DTL: variants seen among roughly 807,000 people sequenced by gnomAD.
The protein encoded by DTL is denticleless protein homolog.
DTL carries 46 observed loss-of-function variants against 87.0 expected under a neutral mutation model. The ratio of observed to expected loss-of-function variants is 0.53; its 90% CI spans 0.42 to 0.68. The LOEUF (loss-of-function observed/expected upper bound fraction) is 0.68, where lower values mean the gene tolerates loss of function less well. Ranked by LOEUF, DTL falls within the 30% of genes least tolerant of loss-of-function variation. The pLI is 0.00. For missense variants in DTL, 737 were observed against 869.4 expected (o/e 0.85, Z 1.91); for synonymous variants, 308 against 311.2 (o/e 0.99, Z 0.11).
intron 5 of DTL, among the ~76,000 whole-genome samples, chr1:212,053,901 T>G (rs1411711386): frequency 6.6e-6 from 1 of 152,236 alleles, no homozygotes; most frequent in African/African-American, 2.4e-5. Flanking sequence ...TTCCATTGAT[T>G]TATTTTCCCT....
Position 212,035,887 on chromosome 1 carries a change from C to T in DTL, c.-4C>T. ...TCTCAGCTGAGGCTTTTCCTCCGAC[C>T]CTGATGCTCTTCAATTCGGTGCTCC... On this transcript the variant is annotated 5_prime_UTR_variant, in exon 1 of 15. Transcript: ENST00000366991. The T allele has an allele frequency of 2.5e-6, 4 of 1,614,148 alleles. No individual in the cohort carries two copies. The highest frequency in any genetic ancestry group is 3.4e-6 in the Non-Finnish European group (4 of 1,180,002).
chr1:212,084,196 TTTTTCTTTTC>T (rs1374273045), intron 13 of DTL, among the ~76,000 whole-genome samples: 4 of 47,490 alleles, frequency 8.4e-5, no homozygotes, highest in Non-Finnish European at 1.7e-4. Context: ...TTAATTTCTT[TTTTTCTTTTC>T]TTTTTTTTTT....
At chr1:212,048,931 TTTG>T in intron 5 of DTL, among the ~76,000 whole-genome samples, 1 of 152,092 alleles carries the variant, frequency 6.6e-6, no homozygotes, top group East Asian at 1.9e-4. Context: ...TGTTTGTTTG[TTTG>T]TTTTTTGAGA....
chr1:212,083,716 G>A (rs1423712572), intron 13 of DTL, among the ~76,000 whole-genome samples: 1 of 152,180 alleles, frequency 6.6e-6, no homozygotes, highest in Non-Finnish European at 1.5e-5. Flanking sequence ...TAATGTTGAA[G>A]AGAGTAACAA....
chr1:212,063,609 T>C (rs1468548041), intron 6 of DTL, among the ~76,000 whole-genome samples: 1 of 152,144 alleles, frequency 6.6e-6, no homozygotes, highest in Non-Finnish European at 1.5e-5. Context: ...AAGAATTAGA[T>C]TGAATTAAAC....
At chr1:212,064,566 A>G (rs570121533) in intron 6 of DTL, among the ~76,000 whole-genome samples, 18 of 152,068 alleles carry the variant, frequency 1.2e-4, no homozygotes, top group Non-Finnish European at 2.5e-4. Context: ...CACTGATCTT[A>G]TTACTTCCCC....
intron 3 of DTL, among the ~76,000 whole-genome samples, chr1:212,046,357 C>G (rs564412452): frequency 3.4e-4 from 51 of 152,118 alleles, no homozygotes; most frequent in African/African-American, 9.2e-4. Flanking sequence ...AAACATGTGC[C>G]GTGGTGGTTT....
intron 10 of DTL, 136 bp downstream of exon 10, chr1:212,068,839 A>G (rs900156112): frequency 8.9e-6 from 5 of 562,344 alleles, no homozygotes; most frequent in Admixed American, 6.8e-5. Context: ...GATTACATCC[A>G]GTGATAATTT....
At chr1:212,071,040 A>G (rs2102556701) in intron 10 of DTL, among the ~76,000 whole-genome samples, 1 of 152,346 alleles carries the variant, frequency 6.6e-6, no homozygotes, top group South Asian at 2.1e-4. Flanking sequence ...TTTTGCAGTG[A>G]TAATAGGTGT....
intron 13 of DTL, among the ~76,000 whole-genome samples, chr1:212,097,817 A>G (rs1049309329): frequency 6.6e-6 from 1 of 152,050 alleles, no homozygotes; most frequent in Non-Finnish European, 1.5e-5. Context: ...TATTACCTGA[A>G]TTGTTTTTCT....
chr1:212,071,590 A>AC (rs1553258165), intron 10 of DTL, among the ~76,000 whole-genome samples: 3 of 150,552 alleles, frequency 2.0e-5, no homozygotes, highest in Non-Finnish European at 4.4e-5. Flanking sequence ...CTTTTCACTG[A>AC]TTTTTTTTTT....
chr1:212,065,425 A>G (rs1004106455), intron 7 of DTL, among the ~76,000 whole-genome samples: 2 of 152,106 alleles, frequency 1.3e-5, no homozygotes, highest in African/African-American at 2.4e-5. Context: ...GGGGTACACT[A>G]TGTATAATGA....
At chr1:212,094,185 T>C (rs114811540) in intron 13 of DTL, among the ~76,000 whole-genome samples, 1,685 of 152,340 alleles carry the variant, frequency 0.011, 30 homozygotes, top group African/African-American at 0.038. Flanking sequence ...CTAGGCCATG[T>C]CTAGATGAGT....
intron 13 of DTL, among the ~76,000 whole-genome samples, chr1:212,094,898 T>C (rs546268648): frequency 7.5e-4 from 114 of 152,236 alleles, no homozygotes; most frequent in Non-Finnish European, 1.4e-3. Flanking sequence ...GCTTGTTTGC[T>C]GTTGCTGTAT....
chr1:212,078,965 T>C (rs76575860), intron 12 of DTL, among the ~76,000 whole-genome samples: 2,587 of 152,282 alleles, frequency 0.017, 21 homozygotes, highest in Non-Finnish European at 0.021. Flanking sequence ...GGAAATCTTA[T>C]TTCTGTGGAG....
chr1:212,098,258 C>A (rs1655507134), intron 13 of DTL, among the ~76,000 whole-genome samples: 1 of 151,994 alleles, frequency 6.6e-6, no homozygotes, highest in Non-Finnish European at 1.5e-5. Flanking sequence ...TCTGGTTGGC[C>A]AAGATGTTAC....
intron 13 of DTL, among the ~76,000 whole-genome samples, chr1:212,097,037 C>G (rs549056401): frequency 6.6e-6 from 1 of 152,164 alleles, no homozygotes; most frequent in Non-Finnish European, 1.5e-5. Flanking sequence ...GTAAACTATG[C>G]TGGCTTGGTA....
chr1:212,047,368 A>G lies in DTL; in HGVS notation c.411A>G (p.Lys137=), dbSNP rs763541605. The G allele has an allele frequency of 1.6e-5, 26 of 1,614,098 alleles. No individual in the cohort carries two copies. The highest frequency in any genetic ancestry group is 2.2e-5 in the Non-Finnish European group (26 of 1,180,050). ...VKAGELIGTC[K]GHQCSLKSVA... is the part of the protein sequence containing the mutation. ...CTGGTGAGCTGATTGGAACATGCAAAGGTCATCAATGCAGCCTCAAGTCAG... is the reference window on the plus strand; with the variant it reads ...CTGGTGAGCTGATTGGAACATGCAAGGGTCATCAATGCAGCCTCAAGTCAG... The change falls in exon 5 of 15, where the codon AAA becomes AAG. Residue 137 remains lysine, a synonymous_variant. Transcript: ENST00000366991.
At chr1:212,037,605 A>G (rs1482830922) in intron 1 of DTL, among the ~76,000 whole-genome samples, 2 of 152,232 alleles carry the variant, frequency 1.3e-5, no homozygotes, top group South Asian at 2.1e-4. Context: ...TGGTCACACA[A>G]ACACCACCGA....
Sources: allele counts gnomAD v4.1 joint callset (sites outside exome capture counted in the v4.1 genomes callset), GRCh38; gene constraint gnomAD v4.1.1; transcripts MANE v1.5; gene names NCBI Gene and HGNC (gene_info 2026-07-23, HGNC 2026-07-21).